Variants in KIAA0825 observed in about 807,000 individuals in gnomAD.
KIAA0825 encodes KIAA0825, also known as uncharacterized protein KIAA0825.
KIAA0825 carries 119 observed loss-of-function variants against 147.6 expected under a neutral mutation model. The ratio of observed to expected loss-of-function variants is 0.81; its 90% CI spans 0.69 to 0.94. KIAA0825 has a LOEUF of 0.94. Among genes scored for constraint, KIAA0825 ranks in the 40% least tolerant of loss-of-function variants. KIAA0825 has a pLI of 0.00. For synonymous variants in KIAA0825, 470 were observed against 518.1 expected (o/e 0.91, Z 1.26); for missense variants, 1,381 against 1,472.7 (o/e 0.94, Z 1.02).
intron 20 of KIAA0825, among the ~76,000 whole-genome samples, chr5:94,380,132 C>G (rs555466565): frequency 1.3e-5 from 2 of 152,086 alleles, no homozygotes; most frequent in Non-Finnish European, 2.9e-5. Flanking sequence ...GGGTTACAGG[C>G]GTGAGCCACC....
intron 3 of KIAA0825, among the ~76,000 whole-genome samples, chr5:94,527,588 A>G (rs1769586547): frequency 6.6e-6 from 1 of 151,972 alleles, no homozygotes; most frequent in South Asian, 2.1e-4. Context: ...AAAACCCAAA[A>G]TTTAAAAAAA....
chr5:94,554,309 C>T (rs909896153), intron 2 of KIAA0825, among the ~76,000 whole-genome samples: 1 of 152,086 alleles, frequency 6.6e-6, no homozygotes, highest in Non-Finnish European at 1.5e-5. Flanking sequence ...CCTTCACAGG[C>T]CATCATGTAT....
intron 20 of KIAA0825, among the ~76,000 whole-genome samples, chr5:94,211,532 C>A (rs17083476): frequency 0.015 from 2,358 of 152,220 alleles, 81 homozygotes; most frequent in Admixed American, 0.059. Context: ...CTTCCCTGAA[C>A]AAGGCCTTAT....
chr5:94,534,741 T>C (rs1771619591), intron 3 of KIAA0825, among the ~76,000 whole-genome samples: 1 of 152,124 alleles, frequency 6.6e-6, no homozygotes, highest in African/African-American at 2.4e-5. Context: ...GGTTCATAAA[T>C]AAAAATAAGC....
At chr5:94,240,101 C>G (rs1158800761) in intron 20 of KIAA0825, among the ~76,000 whole-genome samples, 1 of 152,216 alleles carries the variant, frequency 6.6e-6, no homozygotes, top group South Asian at 2.1e-4. Context: ...AGAAATTTTT[C>G]ACCCTGTTTA....
At chr5:94,543,238 G>A (rs1027349292) in intron 2 of KIAA0825, among the ~76,000 whole-genome samples, 1 of 152,188 alleles carries the variant, frequency 6.6e-6, no homozygotes, top group Non-Finnish European at 1.5e-5. Flanking sequence ...GCAGTTGGGA[G>A]TTTGAGACCA....
At chr5:94,465,091 G>T (rs752385660) in intron 10 of KIAA0825, 32 bp from the exon 11 acceptor site, 1 of 1,527,432 alleles carries the variant, frequency 6.5e-7, no homozygotes. Flanking sequence ...AAACCATAGA[G>T]TTACATCTTC....
rs192847031 is a variant in KIAA0825, at chr5:94,306,484, C to T, written c.3710+77884G>A. Among the ~76,000 whole-genome samples the T allele has an allele frequency of 1.6e-3, 239 of 151,816 alleles. 1 individual carries two copies. The highest frequency in any genetic ancestry group is 4.5e-3 in the African/African-American group (188 of 41,456). On this transcript the variant is annotated intron_variant, in intron 20 of 20. Coordinates refer to ENST00000682413, the MANE Select transcript of KIAA0825 (RefSeq NM_001145678.3). ...AAGTTCCATTCATACTTTTTTCACA[C>T]GGGAGAAATGTCACATTAGAACTTT...
chr5:94,299,681 G>A (rs181052862), intron 20 of KIAA0825, among the ~76,000 whole-genome samples: 164 of 152,208 alleles, frequency 1.1e-3, no homozygotes, highest in Non-Finnish European at 2.0e-3. Flanking sequence ...AATACTGAAG[G>A]CAGAGCTATG....
At chr5:94,237,147 T>C (rs1176979192) in intron 20 of KIAA0825, among the ~76,000 whole-genome samples, 1 of 152,092 alleles carries the variant, frequency 6.6e-6, no homozygotes, top group Non-Finnish European at 1.5e-5. Context: ...CATAAAATTA[T>C]ATAATATATG....
At chr5:94,589,697 T>C (rs1439376442) in intron 1 of KIAA0825, among the ~76,000 whole-genome samples, 2 of 152,180 alleles carry the variant, frequency 1.3e-5, no homozygotes, top group Non-Finnish European at 2.9e-5. Flanking sequence ...TGTATATATG[T>C]ATTATGTGTA....
At chr5:94,493,622 G>A (rs1763983925) in intron 5 of KIAA0825, among the ~76,000 whole-genome samples, 2 of 152,108 alleles carry the variant, frequency 1.3e-5, no homozygotes, top group South Asian at 4.1e-4. Context: ...CCTAGTGTCT[G>A]GGACTACAGG....
chr5:94,374,099 T>G (rs1488108660), intron 20 of KIAA0825, among the ~76,000 whole-genome samples: 1 of 152,180 alleles, frequency 6.6e-6, no homozygotes, highest in Non-Finnish European at 1.5e-5. Flanking sequence ...AAAAAAAGAA[T>G]GTACTCTATA....
At chr5:94,396,673 T>G (rs1423355584) in intron 16 of KIAA0825, among the ~76,000 whole-genome samples, 164 bp from the exon 17 acceptor site, 1 of 152,034 alleles carries the variant, frequency 6.6e-6, no homozygotes, top group East Asian at 1.9e-4. Context: ...CTCGCAGTAC[T>G]ACCTAAAATT....
At chr5:94,358,049 C>A (rs1744537215) in intron 20 of KIAA0825, among the ~76,000 whole-genome samples, 1 of 152,104 alleles carries the variant, frequency 6.6e-6, no homozygotes, top group African/African-American at 2.4e-5. Context: ...TTCATCAGAA[C>A]TAGGAAGGTC....
chr5:94,381,381 A>G (rs973366932), intron 20 of KIAA0825, among the ~76,000 whole-genome samples: 1 of 152,202 alleles, frequency 6.6e-6, no homozygotes, highest in African/African-American at 2.4e-5. Context: ...TTGGGAAAAA[A>G]AATTCCACTG....
At chr5:94,533,921 G>A (rs1010031302) in intron 3 of KIAA0825, among the ~76,000 whole-genome samples, 5 of 152,154 alleles carry the variant, frequency 3.3e-5, no homozygotes, top group African/African-American at 9.7e-5. Flanking sequence ...TGGGCACACT[G>A]GTCCATTCGG....
At chr5:94,316,693 G>A (rs558086960) in intron 20 of KIAA0825, among the ~76,000 whole-genome samples, 132 of 151,824 alleles carry the variant, frequency 8.7e-4, no homozygotes, top group African/African-American at 3.1e-3. Flanking sequence ...ATCTTCCTCC[G>A]TCAGGCTTTA....
intron 20 of KIAA0825, among the ~76,000 whole-genome samples, chr5:94,269,591 A>T (rs1172954259): frequency 6.6e-6 from 1 of 152,122 alleles, no homozygotes; most frequent in Non-Finnish European, 1.5e-5. Context: ...ATTAAGAGAG[A>T]AATTAGAAAA....
Sources: allele counts gnomAD v4.1 joint callset (sites outside exome capture counted in the v4.1 genomes callset), GRCh38; gene constraint gnomAD v4.1.1; transcripts MANE v1.5; gene names NCBI Gene and HGNC (gene_info 2026-07-23, HGNC 2026-07-21).